MUC5AC: variants seen among roughly 807,000 people sequenced by gnomAD.
The protein encoded by MUC5AC is mucin 5AC, oligomeric mucus/gel-forming, also known as mucin-5AC.
In MUC5AC, 158 loss-of-function variants were observed where a neutral mutation model predicts 169.7. The observed-to-expected ratio is 0.93, with a 90% CI of 0.82 to 1.06. MUC5AC has a LOEUF of 1.06. MUC5AC is among the 50% of genes least tolerant of loss of function. MUC5AC has a pLI of 0.00. For missense variants in MUC5AC, 4,359 were observed against 3,089.9 expected, an observed-to-expected ratio of 1.41 and a Z score of -9.74; for synonymous variants, 1,975 against 1,237.0, an observed-to-expected ratio of 1.60 and a Z score of -12.52.
At chr11:1,168,608 C>T (rs1215586307) in intron 13 of MUC5AC, 34 bp from the exon 14 acceptor site, 2 of 1,612,054 alleles carry the variant, frequency 1.2e-6, no homozygotes, top group African/African-American at 2.7e-5. Flanking sequence ...CGCCCCACAG[C>T]CCCCAGCAAA....
chr11:1,192,763 C>A lies in MUC5AC; in HGVS notation c.14381-20C>A. The stretch of plus-strand genomic sequence containing the variant: ...TGAGCAGGACTCCACTAAAGGCTGC[C>A]ATGTCCCTTCCTCTTACAGGATCCA... On this transcript the variant is annotated intron_variant, in intron 31 of 48. Coordinates refer to ENST00000621226, the MANE Select transcript of MUC5AC (RefSeq NM_001304359.2). 1.3e-6 allele frequency: 1 copy of A among 746,696 alleles called. No homozygotes were observed. Among genetic ancestry groups the A allele is most frequent in the Non-Finnish European group, 2.5e-6 (1 of 404,548 alleles). The allele number at this position is 746,696 out of a possible 1,614,324, so 46.3% of individuals were successfully genotyped here.
At chr11:1,193,693 C>T (rs771533433) in intron 33 of MUC5AC, 34 bp downstream of exon 33, 30 of 753,660 alleles carry the variant, frequency 4.0e-5, no homozygotes, top group Non-Finnish European at 5.8e-5. Context: ...CCAGGGCAGC[C>T]GGGGCAGCCA....
intron 16 of MUC5AC, 41 bp from the exon 17 acceptor site, chr11:1,174,455 G>A: frequency 7.8e-7 from 1 of 1,278,442 alleles, no homozygotes; most frequent in Non-Finnish European, 1.1e-6. Context: ...ACCAGGTGTG[G>A]GCTGGGGTCT....
In MUC5AC at chr11:1,194,968, C is replaced by T. The variant is rs768597688; in HGVS notation, c.15191-44C>T. The T allele has an allele frequency of 5.8e-5, 39 of 675,208 alleles. No homozygotes were observed. In the Middle Eastern group the frequency reaches 7.0e-4, roughly 12 times the overall value. 41.8% of individuals were successfully genotyped at this position (675,208 alleles called of 1,614,324 possible). ...TCCCCCAGCTGGGGGTGGGGCCAGC[C>T]GGCTCTGCTGTCCAGCAGCCTGACC... On this transcript the variant is annotated intron_variant, in intron 35 of 48. Transcript: ENST00000621226.
At chr11:1,163,137 C>G (rs75049268) in intron 6 of MUC5AC, 92 bp downstream of exon 6, 1,389 of 1,177,746 alleles carry the variant, frequency 1.2e-3, no homozygotes, top group Non-Finnish European at 1.7e-3. Context: ...TCCGGGCACA[C>G]ACATGCACAG....
In MUC5AC at chr11:1,158,028, T is replaced by C; in HGVS notation, c.29T>C (p.Leu10Pro). 1 of 1,607,268 alleles carries C rather than the reference T, an allele frequency of 6.2e-7. No homozygotes were observed. Among genetic ancestry groups the C allele is most frequent in the South Asian group, 1.1e-5 (1 of 89,620 alleles). MSVGRRKLA[L>P]LWALALALAC... is the part of the protein sequence containing the mutation. Reference sequence around the variant, plus strand: ...AGTGTTGGCCGGAGGAAGCTGGCCCTGCTCTGGGCCCTGGCTCTCGCTCTG... The same window carrying C: ...AGTGTTGGCCGGAGGAAGCTGGCCCCGCTCTGGGCCCTGGCTCTCGCTCTG... The change falls in exon 1 of 49, where the codon CTG (leucine) becomes CCG (proline). Residue 10 changes from leucine to proline, a missense_variant. Physicochemically the swap from Leu to Pro is moderately conservative, Grantham distance 98 (BLOSUM62 -3). Coordinates refer to ENST00000621226, the MANE Select transcript of MUC5AC (RefSeq NM_001304359.2).
chr11:1,194,926 G>A (rs1861222568), intron 35 of MUC5AC, 86 bp from the exon 36 acceptor site: 3 of 642,508 alleles, frequency 4.7e-6, no homozygotes, highest in South Asian at 1.7e-5. Flanking sequence ...TTGTGACCCT[G>A]AGACACCAGG....
chr11:1,165,850 G>C, intron 11 of MUC5AC, 90 bp downstream of exon 11: 1 of 1,568,176 alleles, frequency 6.4e-7, no homozygotes, highest in Non-Finnish European at 8.6e-7. Flanking sequence ...GCATGTCACT[G>C]CTGCCCCTGG....
chr11:1,160,958 C>T (rs773122417), intron 2 of MUC5AC, among the ~76,000 whole-genome samples: 12 of 152,326 alleles, frequency 7.9e-5, no homozygotes, highest in Admixed American at 5.2e-4. Flanking sequence ...CCGTGGGAGC[C>T]GGTCACCCTC....
At chr11:1,198,234 C>T (rs1307621168) in intron 42 of MUC5AC, 34 bp from the exon 43 acceptor site, 16 of 737,380 alleles carry the variant, frequency 2.2e-5, no homozygotes, top group Middle Eastern at 4.6e-4. Context: ...GAGTGGGCGG[C>T]GGGGGGTGCA....
At position 1,163,996 on chromosome 11, in the gene MUC5AC, G is replaced by A; in HGVS notation, c.789+5G>A. 6.2e-7 allele frequency: 1 copy of A among 1,609,970 alleles called. No individual in the cohort carries two copies. Among genetic ancestry groups the A allele is most frequent in the South Asian group, 1.1e-5 (1 of 90,682 alleles). Reference sequence around the variant, plus strand: ...AGGAACTGCTCCACTGGCTTTGTAAGCCTTGGAGGGAACAGAGGGCCCAGC... The same window carrying A: ...AGGAACTGCTCCACTGGCTTTGTAAACCTTGGAGGGAACAGAGGGCCCAGC... On this transcript the variant is annotated splice_donor_5th_base_variant and intron_variant, in intron 7 of 48. Transcript: ENST00000621226.
intron 32 of MUC5AC, among the ~76,000 whole-genome samples, chr11:1,193,211 T>TGTGCTGAGGAC (rs1861169502): frequency 1.3e-5 from 2 of 152,220 alleles, no homozygotes; most frequent in African/African-American, 4.8e-5. Context: ...AGGCTGAGGC[T>TGTGCTGAGGAC]GTGCTGAGGA....
chr11:1,168,016 G>A (rs927170001), intron 12 of MUC5AC, 29 bp downstream of exon 12: 20 of 1,523,476 alleles, frequency 1.3e-5, no homozygotes, highest in African/African-American at 8.3e-5. Flanking sequence ...GGCAAACCCC[G>A]GGAAGAGGGA....
rs998152074 is a variant in MUC5AC at position 1,177,096 on chromosome 11, C to T, written c.2793+30C>T. ...GCCGGCGCGTTTGGGGTCCTCACGG[C>T]GGCCCCCGTGGCCCGAAGCTGCTCA... On this transcript the variant is annotated intron_variant, in intron 22 of 48. Coordinates refer to ENST00000621226, the MANE Select transcript of MUC5AC (RefSeq NM_001304359.2). 94 of 398,636 alleles carry T rather than the reference C, an allele frequency of 2.4e-4. 3 individuals carry two copies. Among genetic ancestry groups the T allele is most frequent in the Admixed American group, 8.4e-4 (19 of 22,734 alleles). The allele number at this position is 398,636 out of a possible 1,614,324, so 24.7% of individuals were successfully genotyped here. A position where few individuals can be genotyped will look rare whatever the true frequency, so the allele number is the denominator to read the frequency against.
intron 31 of MUC5AC, 60 bp from the exon 32 acceptor site, chr11:1,192,723 T>G: frequency 1.4e-6 from 1 of 701,536 alleles, no homozygotes; most frequent in Non-Finnish European, 2.6e-6. Context: ...CTCTGGGAGT[T>G]TTTTGCTTCT....
At chr11:1,173,017 C>CT (rs1860584854) in intron 16 of MUC5AC, among the ~76,000 whole-genome samples, 1 of 147,296 alleles carries the variant, frequency 6.8e-6, no homozygotes, top group Non-Finnish European at 1.5e-5. Context: ...CACCCATTCG[C>CT]CCCCCCACTC....
At chr11:1,197,252 G>A (rs34462515) in intron 40 of MUC5AC, among the ~76,000 whole-genome samples, 24,532 of 152,144 alleles carry the variant, frequency 0.16, 2,240 homozygotes, top group Non-Finnish European at 0.2. Context: ...GGTGGGGGGC[G>A]CAGGCCAGTC....
chr11:1,192,390 C>T lies in MUC5AC; in HGVS notation c.14245C>T (p.Pro4749Ser), dbSNP rs371757726. 7 of 765,024 alleles carry T rather than the reference C, an allele frequency of 9.2e-6. No individual in the cohort carries two copies. In the African/African-American group the frequency reaches 1.2e-4, roughly 13 times the overall value. The allele number at this position is 765,024 out of a possible 1,614,324, so 47.4% of individuals were successfully genotyped here. A position where few individuals can be genotyped will look rare whatever the true frequency, so the allele number is the denominator to read the frequency against. The change falls in exon 31 of 49, where the codon CCT (proline) becomes TCT (serine). Residue 4749 changes from proline (P) to serine (S), a missense_variant. Physicochemically the swap from Pro to Ser is moderately conservative, Grantham distance 74. Transcript: ENST00000621226. ...GACTTCTCCTACCAATGCTCTGTAT[C>T]CTTCCCTGTCTACTTCCATGGTATC... The part of the protein sequence containing the change: ...YGTSPTNALY[P>S]SLSTSMVSAS...
At chr11:1,179,963 G>T in intron 26 of MUC5AC, 59 bp from the exon 27 acceptor site, 1 of 398,370 alleles carries the variant, frequency 2.5e-6, no homozygotes, top group South Asian at 1.3e-4. Context: ...GCCCTGGGGT[G>T]CGGGGCCTCT....
Sources: allele counts gnomAD v4.1 joint callset (sites outside exome capture counted in the v4.1 genomes callset), GRCh38; gene constraint gnomAD v4.1.1; transcripts MANE v1.5; gene names NCBI Gene and HGNC (gene_info 2026-07-23, HGNC 2026-07-21).